SNAP23: variants seen among roughly 807,000 people sequenced by gnomAD.
SNAP23 encodes synaptosomal-associated protein 23.
SNAP23 carries 11 observed loss-of-function variants against 29.0 expected under a neutral mutation model. That is an observed-to-expected ratio of 0.38 (90% CI 0.24 to 0.63). The LOEUF is 0.63. Among genes scored for constraint, SNAP23 ranks in the 20% least tolerant of loss-of-function variants. The probability of loss-of-function intolerance (pLI) is 0.58; values close to 1 mark genes in which losing one functional copy is unlikely to be tolerated. For missense variants in SNAP23, 220 were observed against 253.9 expected, an observed-to-expected ratio of 0.87 and a Z score of 0.91; for synonymous variants, 60 against 82.9, an observed-to-expected ratio of 0.72 and a Z score of 1.50.
intron 1 of SNAP23, among the ~76,000 whole-genome samples, chr15:42,507,207 C>T (rs1322871953): frequency 6.6e-6 from 1 of 152,184 alleles, no homozygotes; most frequent in African/African-American, 2.4e-5. Context: ...ACTGACACAG[C>T]CGCCTTGGGT....
chr15:42,491,901 T>TTTATTTAGTTAGTTAGTTAG (rs1555433008), upstream of SNAP23, among the ~76,000 whole-genome samples: 300 of 146,976 alleles, frequency 2.0e-3, no homozygotes, highest in African/African-American at 4.1e-3. Context: ...TATTTATTTA[T>TTTATTTAGTTAGTTAGTTAG]TTAGTTAGTT....
intron 7 of SNAP23, among the ~76,000 whole-genome samples, chr15:42,530,177 T>A (rs936130675): frequency 2.0e-5 from 3 of 152,178 alleles, no homozygotes; most frequent in African/African-American, 7.2e-5. Flanking sequence ...CCTAGGGTAG[T>A]GTGGTGGTAC....
At chr15:42,494,206 A>T (rs1461079426), upstream of SNAP23, among the ~76,000 whole-genome samples, 1 of 151,926 alleles carries the variant, frequency 6.6e-6, no homozygotes, top group Non-Finnish European at 1.5e-5. Flanking sequence ...AAAGCATTCT[A>T]CAACTTGTCC....
At chr15:42,525,886 CT>C (rs1235518003) in intron 5 of SNAP23, among the ~76,000 whole-genome samples, 2 of 152,004 alleles carry the variant, frequency 1.3e-5, no homozygotes, top group Non-Finnish European at 2.9e-5. Context: ...ATTTTATGCC[CT>C]TATATCTAAT....
upstream of SNAP23, chr15:42,492,742 A>G (rs899993750): frequency 6.6e-6 from 1 of 151,274 alleles, no homozygotes; most frequent in Non-Finnish European, 1.5e-5. Flanking sequence ...AACCTCTTCT[A>G]TGTAAATCCA....
intron 1 of SNAP23, among the ~76,000 whole-genome samples, chr15:42,511,026 A>C (rs1158907154): frequency 6.6e-6 from 1 of 152,236 alleles, no homozygotes; most frequent in Non-Finnish European, 1.5e-5. Flanking sequence ...AAAGCTAGCA[A>C]ATGTAACAAA....
chr15:42,503,639 G>C (rs1360175786), intron 1 of SNAP23, among the ~76,000 whole-genome samples: 1 of 152,088 alleles, frequency 6.6e-6, no homozygotes, highest in Non-Finnish European at 1.5e-5. Flanking sequence ...CAAAGTGCTA[G>C]GATTACAGGC....
At chr15:42,506,803 A>T (rs2057320199) in intron 1 of SNAP23, among the ~76,000 whole-genome samples, 1 of 152,010 alleles carries the variant, frequency 6.6e-6, no homozygotes, top group Non-Finnish European at 1.5e-5. Flanking sequence ...GGCGGTGGAT[A>T]CAGTCAACAG....
At chr15:42,505,607 G>A (rs2057310667) in intron 1 of SNAP23, 1 of 142,616 alleles carries the variant, frequency 7.0e-6, no homozygotes, top group Non-Finnish European at 1.5e-5. Flanking sequence ...CCAGGCTGAA[G>A]TACAGTGGCA....
intron 1 of SNAP23, among the ~76,000 whole-genome samples, chr15:42,511,000 T>C (rs181637760): frequency 1.3e-5 from 2 of 152,310 alleles, no homozygotes; most frequent in East Asian, 3.9e-4. Flanking sequence ...TAAATGAGTT[T>C]TGAGAAAATT....
chr15:42,499,115 C>A (rs1161135300), intron 1 of SNAP23, among the ~76,000 whole-genome samples: 5 of 151,092 alleles, frequency 3.3e-5, no homozygotes. Context: ...GTTGCCCAGG[C>A]TGGAGTACAA....
intron 1 of SNAP23, among the ~76,000 whole-genome samples, chr15:42,502,216 C>CGG (rs10682838): frequency 0.31 from 46,572 of 151,536 alleles, 8,836 homozygotes; most frequent in African/African-American, 0.53. Flanking sequence ...TTAGTAGAGA[C>CGG]GGTTTCACCT....
upstream of SNAP23, among the ~76,000 whole-genome samples, chr15:42,491,977 C>T (rs894955816): frequency 9.2e-5 from 14 of 152,026 alleles, no homozygotes; most frequent in African/African-American, 3.4e-4. Flanking sequence ...GAACCGCTCT[C>T]TTGGTTCACT....
intron 1 of SNAP23, among the ~76,000 whole-genome samples, chr15:42,510,235 A>C (rs999939968): frequency 1.3e-5 from 2 of 152,016 alleles, no homozygotes; most frequent in African/African-American, 4.8e-5. Context: ...TCCTGGACTC[A>C]AGCAATCCGC....
intron 5 of SNAP23, among the ~76,000 whole-genome samples, chr15:42,521,250 A>G (rs181350873): frequency 6.6e-6 from 1 of 152,236 alleles, no homozygotes; most frequent in African/African-American, 2.4e-5. Context: ...GAAAAAATAT[A>G]TAAGAAAATA....
chr15:42,525,148 A>G (rs2057487339), intron 5 of SNAP23, among the ~76,000 whole-genome samples: 1 of 140,684 alleles, frequency 7.1e-6, no homozygotes, highest in African/African-American at 2.8e-5. Flanking sequence ...CAGGCGGATC[A>G]CGAGGTCAGG....
At chr15:42,504,517 T>TA (rs2057302049) in intron 1 of SNAP23, among the ~76,000 whole-genome samples, 1 of 152,232 alleles carries the variant, frequency 6.6e-6, no homozygotes, top group South Asian at 2.1e-4. Flanking sequence ...ATGTGACTCA[T>TA]ATTCAACATT....
intron 1 of SNAP23, among the ~76,000 whole-genome samples, chr15:42,510,206 A>G (rs1481143465): frequency 6.6e-6 from 1 of 151,818 alleles, no homozygotes; most frequent in Non-Finnish European, 1.5e-5. Context: ...CATGATCTTG[A>G]CTTACTTCAG....
At chr15:42,513,482 A>C (rs1480978338) in intron 4 of SNAP23, 35 bp downstream of exon 4, 1 of 1,556,832 alleles carries the variant, frequency 6.4e-7, no homozygotes, top group Non-Finnish European at 8.9e-7. Flanking sequence ...TCTTAATTTG[A>C]CTGTGATGCC....
Sources: gnomAD v4.1 joint callset for allele counts (sites outside exome capture counted in the v4.1 genomes callset) on GRCh38, gnomAD v4.1.1 for gene constraint, MANE v1.5 for transcripts, NCBI Gene and HGNC (gene_info 2026-07-23, HGNC 2026-07-21) for gene names.